The following ABCA3 variants were observed in gnomAD, a reference collection of about 807,000 sequenced individuals.
ABCA3 encodes the protein ATP binding cassette subfamily A member 3.
Under a neutral mutation model 172.8 loss-of-function variants are expected in ABCA3, and 88 were observed. The ratio of observed to expected loss-of-function variants is 0.51; its 90% confidence interval spans 0.43 to 0.61. The LOEUF is 0.61. ABCA3 is among the 20% of genes least tolerant of loss of function. The pLI is 0.00. For synonymous variants in ABCA3, 1,066 were observed against 983.8 expected (o/e 1.08, Z -1.56); for missense variants, 2,164 against 2,301.0 (o/e 0.94, Z 1.22).
chr16:2,307,914 T>C (rs8063857), intron 11 of ABCA3, among the ~76,000 whole-genome samples: 1 of 152,146 alleles, frequency 6.6e-6, no homozygotes, highest in African/African-American at 2.4e-5. Context: ...CTTTCTGATG[T>C]AATAATTTTG....
At chr16:2,338,671 G>A (rs148768706) in intron 1 of ABCA3, among the ~76,000 whole-genome samples, 288 of 151,684 alleles carry the variant, frequency 1.9e-3, no homozygotes, top group African/African-American at 6.4e-3. Flanking sequence ...TCTGTCTTAT[G>A]TCACAGTTAC....
At chr16:2,323,032 C>T (rs1264456753) in intron 7 of ABCA3, among the ~76,000 whole-genome samples, 2 of 152,172 alleles carry the variant, frequency 1.3e-5, no homozygotes, top group Non-Finnish European at 2.9e-5. Flanking sequence ...GACATTTATG[C>T]AGCCAAAAGA....
chr16:2,301,043 A>C (rs868261366), intron 12 of ABCA3, among the ~76,000 whole-genome samples: 1 of 150,244 alleles, frequency 6.7e-6, no homozygotes, highest in Non-Finnish European at 1.5e-5. Flanking sequence ...ATCCTGGCTA[A>C]CACGGTGAAA....
In ABCA3 at chr16:2,308,699, C is replaced by G. The variant is rs1049798846; in HGVS notation, c.1112-76G>C. On this transcript the variant is annotated intron_variant, in intron 10 of 32. Coordinates refer to ENST00000301732, the MANE Select transcript of ABCA3 (RefSeq NM_001089.3). Reference sequence around the variant, plus strand: ...GGGCTTGGGCTCCCCGAGGTACAGGCAACCCCCTACTCCTGGGGCCGAGCC... The same window carrying G: ...GGGCTTGGGCTCCCCGAGGTACAGGGAACCCCCTACTCCTGGGGCCGAGCC... The G allele has an allele frequency of 3.8e-6, 6 of 1,563,994 alleles. No homozygotes were observed. The African/African-American group carries it at 8.1e-5, about 21-fold the overall frequency.
intron 10 of ABCA3, among the ~76,000 whole-genome samples, chr16:2,315,492 G>A (rs1227973290): frequency 6.6e-6 from 1 of 152,016 alleles, no homozygotes; most frequent in Admixed American, 6.6e-5. Flanking sequence ...GACACCTTTG[G>A]ACATACAAAG....
chr16:2,284,573 C>A lies in ABCA3; in HGVS notation c.3704-136G>T. The stretch of plus-strand genomic sequence containing the variant: ...GGGGCACCTCCCAGGGACGCCCCTG[C>A]CGGCTCTGCACAGGGCAAGGACGCC... On this transcript the variant is annotated intron_variant, in intron 24 of 32. Transcript: ENST00000301732. This position sits in a 1 kb window ranked among gnomAD's most constrained non-coding sequence, Gnocchi z 5.9. The A allele has an allele frequency of 7.2e-7, 1 of 1,388,100 alleles. No homozygotes were observed. Among genetic ancestry groups the A allele is most frequent in the South Asian group, 1.2e-5 (1 of 84,120 alleles). 86.0% of individuals were successfully genotyped at this position (1,388,100 alleles called of 1,614,324 possible). A position where few individuals can be genotyped will look rare whatever the true frequency, so the allele number is the denominator to read the frequency against.
intron 7 of ABCA3, 47 bp from the exon 8 acceptor site, chr16:2,319,887 C>G (rs1386972449): frequency 5.6e-6 from 9 of 1,610,054 alleles, no homozygotes; most frequent in Non-Finnish European, 7.6e-6. Flanking sequence ...AGGAGCTGCT[C>G]TCGAGGGCAG....
chr16:2,323,630 C>G lies in ABCA3; in HGVS notation c.506G>C (p.Gly169Ala). 1.2e-6 allele frequency: 2 copies of G among 1,614,120 alleles called. No individual in the cohort carries two copies. Among genetic ancestry groups the G allele is most frequent in the Non-Finnish European group, 8.5e-7 (1 of 1,180,030 alleles). ...TTCTGTCTCTTTCAGGAAAAAGGAG[C>G]CTGTTTGGGTCCACATGTAATTTCT... ...TRRNYMWTQT[G>A]SFFLKETEGW... The change falls in exon 7 of 33, where the codon GGC (glycine) becomes GCC (alanine). Residue 169 changes from glycine to alanine, a missense_variant. By Grantham distance (60) the Gly-to-Ala change is moderately conservative. Around this residue, in one of 3 missense-constraint regions of ABCA3, gnomAD observed 1,343 missense variants for 1,369.6 expected, o/e 0.98. Coordinates refer to ENST00000301732, the MANE Select transcript of ABCA3 (RefSeq NM_001089.3).
At chr16:2,289,960 A>C (rs2093669245) in intron 19 of ABCA3, among the ~76,000 whole-genome samples, 1 of 63,088 alleles carries the variant, frequency 1.6e-5, no homozygotes, top group African/African-American at 6.5e-5. Context: ...TGTGAATTAC[A>C]TCACACACAC....
At chr16:2,304,209 C>T (rs905942453) in intron 11 of ABCA3, 59 bp from the exon 12 acceptor site, 34 of 1,598,574 alleles carry the variant, frequency 2.1e-5, no homozygotes, top group African/African-American at 5.4e-5. Flanking sequence ...CCCAGGGACC[C>T]GAAGCCCCTG....
In ABCA3 at chr16:2,285,779, C is replaced by A; in HGVS notation, c.3279-133G>T. On this transcript the variant is annotated intron_variant, in intron 22 of 32. Coordinates refer to ENST00000301732, the MANE Select transcript of ABCA3 (RefSeq NM_001089.3). This position sits in a 1 kb window ranked among gnomAD's most constrained non-coding sequence, Gnocchi z 4.7. ...CACTAAAGGGGCTTATGGGAGAGCACAAGCACCATGGTTCCATACCGGGAA... is the reference window on the plus strand; with the variant it reads ...CACTAAAGGGGCTTATGGGAGAGCAAAAGCACCATGGTTCCATACCGGGAA... 1.2e-6 allele frequency: 1 copy of A among 832,888 alleles called. No individual in the cohort carries two copies. The allele number at this position is 832,888 out of a possible 1,614,324, so 51.6% of individuals were successfully genotyped here.
chr16:2,315,750 G>A (rs372621896), intron 10 of ABCA3, among the ~76,000 whole-genome samples: 21 of 151,406 alleles, frequency 1.4e-4, no homozygotes, highest in Middle Eastern at 3.4e-3. Flanking sequence ...TGCAACATCC[G>A]CCACCTGGGC....
chr16:2,318,044 A>G (rs1370220984), intron 8 of ABCA3, among the ~76,000 whole-genome samples: 1 of 152,198 alleles, frequency 6.6e-6, no homozygotes, highest in East Asian at 1.9e-4. Flanking sequence ...CATGCTCCCC[A>G]GTCTTTCCTG....
chr16:2,281,655 C>T lies in ABCA3; in HGVS notation c.4036-146G>A, dbSNP rs150534148. ...GTCCCAATCTCAGGCCCCACAGGTG[C>T]GACTCAGACCTTTTACTAGAAGACA... On this transcript the variant is annotated intron_variant, in intron 26 of 32. Coordinates refer to ENST00000301732, the MANE Select transcript of ABCA3 (RefSeq NM_001089.3). The surrounding 1 kb of genome is among the most constrained non-coding windows in gnomAD (Gnocchi z 4.7). 5.4e-4 allele frequency: 520 copies of T among 956,776 alleles called. 2 individuals carry two copies. The African/African-American group carries it at 7.0e-3, about 13-fold the overall frequency. The allele number at this position is 956,776 out of a possible 1,614,324, so 59.3% of individuals were successfully genotyped here.
At position 2,319,668 on chromosome 16, in the gene ABCA3, C is replaced by G. The variant is rs2093722586; in HGVS notation, c.786G>C (p.Gln262His). Residue 262 changes from glutamine (Q) to histidine (H), a missense_variant, in exon 8 of 33, where the codon CAG becomes CAC. Around this residue, in one of 3 missense-constraint regions of ABCA3, gnomAD observed 1,343 missense variants for 1,369.6 expected, o/e 0.98. Transcript: ENST00000301732. ...ADPFLVAIQY[Q>H]LPLLLLLSFT... ...AGCTGAGCAGCAGCAGCAGGGGCAG[C>G]TGGTACTGGATGGCCACGAGGAAGG... The G allele has an allele frequency of 6.2e-7, 1 of 1,613,864 alleles. No individual in the cohort carries two copies. The highest frequency in any genetic ancestry group is 1.1e-5 in the South Asian group (1 of 91,074).
chr16:2,315,574 G>T (rs2093713933), intron 10 of ABCA3, among the ~76,000 whole-genome samples: 2 of 151,946 alleles, frequency 1.3e-5, no homozygotes, highest in Non-Finnish European at 2.9e-5. Flanking sequence ...ACAGAGAAGA[G>T]TGACTCTAAA....
chr16:2,313,321 G>A lies in ABCA3; in HGVS notation c.1111+3962C>T, dbSNP rs536123229. Among the ~76,000 whole-genome samples, 42 of 152,124 alleles carry A rather than the reference G, an allele frequency of 2.8e-4. 2 individuals are homozygous for A. The South Asian group carries it at 8.3e-3, about 30-fold the overall frequency. ...TATAATCCCAGCACTTTGGGAGGCTGAGGCTGGTGGATCACCTGAGGTCAG... is the reference window on the plus strand; with the variant it reads ...TATAATCCCAGCACTTTGGGAGGCTAAGGCTGGTGGATCACCTGAGGTCAG... On this transcript the variant is annotated intron_variant, in intron 10 of 32. Coordinates refer to ENST00000301732, the MANE Select transcript of ABCA3 (RefSeq NM_001089.3).
At chr16:2,327,530 G>A (rs1013317957) in intron 3 of ABCA3, among the ~76,000 whole-genome samples, 3 of 152,160 alleles carry the variant, frequency 2.0e-5, no homozygotes, top group Non-Finnish European at 4.4e-5. Flanking sequence ...GTGCAGGGAA[G>A]GGGAAAGGAG....
Position 2,278,525 on chromosome 16 carries a change from TGGAGGCCCGTGTCCCAGC to T in ABCA3, c.4548-85_4548-68del. The T allele has an allele frequency of 1.3e-6, 2 of 1,580,426 alleles. No homozygotes were observed. The highest frequency in any genetic ancestry group is 3.3e-5 in the Admixed American group (2 of 59,716). On this transcript the variant is annotated intron_variant, in intron 29 of 32. Transcript: ENST00000301732. This position sits in a 1 kb window ranked among gnomAD's most constrained non-coding sequence, Gnocchi z 4.4. Reference sequence around the variant, plus strand: ...GTTAGCATTGGCTCCCATGTCCCAGTGGAGGCCCGTGTCCCAGCAGCGGCCCACACCCAGCAATTGCAG... The same window carrying T: ...GTTAGCATTGGCTCCCATGTCCCAGTAGCGGCCCACACCCAGCAATTGCAG...
Sources: gnomAD v4.1 joint callset for allele counts (sites outside exome capture counted in the v4.1 genomes callset) on GRCh38, gnomAD v4.1.1 for gene constraint, gnomAD v4.1.1 regional missense constraint, Gnocchi (gnomAD v3.1) non-coding constraint, MANE v1.5 for transcripts, NCBI Gene and HGNC (gene_info 2026-07-23, HGNC 2026-07-21) for gene names.